Variants in CCSER1 observed in about 807,000 individuals in gnomAD.
CCSER1 encodes the protein serine-rich coiled-coil domain-containing protein 1.
A neutral mutation model predicts 82.0 loss-of-function variants in CCSER1; 41 were observed. That is an observed-to-expected ratio of 0.50 (90% CI 0.39 to 0.65). CCSER1 has a LOEUF of 0.65. CCSER1 is among the 30% of genes least tolerant of loss of function. The probability of loss-of-function intolerance (pLI) is 0.00; values close to 1 mark genes in which losing one functional copy is unlikely to be tolerated. For synonymous variants in CCSER1, 414 were observed against 383.9 expected, an observed-to-expected ratio of 1.08 and a Z score of -0.92; for missense variants, 1,119 against 1,064.2, an observed-to-expected ratio of 1.05 and a Z score of -0.72.
At chr4:91,596,415 A>G (rs1356915055) in intron 10 of CCSER1, among the ~76,000 whole-genome samples, 1 of 152,070 alleles carries the variant, frequency 6.6e-6, no homozygotes, top group Non-Finnish European at 1.5e-5. Context: ...ATTCATCCCC[A>G]ATTTTTTCCA....
intron 9 of CCSER1, among the ~76,000 whole-genome samples, chr4:90,939,741 T>C (rs1018187244): frequency 1.3e-5 from 2 of 152,172 alleles, no homozygotes; most frequent in Non-Finnish European, 2.9e-5. Flanking sequence ...ACATGTATTA[T>C]GAATCATAAA....
At chr4:90,376,172 A>T (rs1275610934) in intron 3 of CCSER1, among the ~76,000 whole-genome samples, 1 of 152,118 alleles carries the variant, frequency 6.6e-6, no homozygotes, top group Non-Finnish European at 1.5e-5. Flanking sequence ...GACTGCAGAG[A>T]TCTCTTCAAA....
chr4:90,176,169 T>C (rs1052441469), intron 1 of CCSER1, among the ~76,000 whole-genome samples: 2 of 151,948 alleles, frequency 1.3e-5, no homozygotes, highest in Admixed American at 6.6e-5. Flanking sequence ...ATGGTCAGAA[T>C]AGATGAGTGA....
At chr4:91,103,858 G>T (rs1434259050) in intron 10 of CCSER1, among the ~76,000 whole-genome samples, 1 of 151,962 alleles carries the variant, frequency 6.6e-6, no homozygotes, top group Non-Finnish European at 1.5e-5. Context: ...TGCGGGGTCG[G>T]GCAAAAAGAG....
At chr4:91,474,707 T>C (rs1184843312) in intron 10 of CCSER1, among the ~76,000 whole-genome samples, 3 of 150,028 alleles carry the variant, frequency 2.0e-5, no homozygotes, top group African/African-American at 2.4e-5. Context: ...CTCAGTCTTC[T>C]TGTGGCTAAA....
chr4:91,324,591 C>T (rs1746422450), intron 10 of CCSER1, among the ~76,000 whole-genome samples: 1 of 152,052 alleles, frequency 6.6e-6, no homozygotes, highest in Admixed American at 6.6e-5. Context: ...AGATGAATAA[C>T]AACTATAAAC....
chr4:90,631,882 T>A (rs894228656), intron 6 of CCSER1, among the ~76,000 whole-genome samples: 22 of 152,232 alleles, frequency 1.4e-4, no homozygotes, highest in Non-Finnish European at 3.1e-4. Context: ...TTGGGCTATG[T>A]CTATAAAGTA....
chr4:90,610,295 AT>A (rs1446610451), intron 5 of CCSER1, among the ~76,000 whole-genome samples: 1,773 of 150,804 alleles, frequency 0.012, 28 homozygotes, highest in South Asian at 0.053. Context: ...AAATAAATAA[AT>A]AAATAAAATG....
chr4:91,594,230 T>TA (rs932130114), intron 10 of CCSER1, among the ~76,000 whole-genome samples: 7 of 151,640 alleles, frequency 4.6e-5, no homozygotes, highest in African/African-American at 9.7e-5. Flanking sequence ...GTTAACATCA[T>TA]AATATGGAAA....
chr4:91,559,064 A>T (rs955009), intron 10 of CCSER1, among the ~76,000 whole-genome samples: 97,977 of 151,098 alleles, frequency 0.65, 31,963 homozygotes, highest in East Asian at 0.72. Flanking sequence ...TACTACTATA[A>T]GTTTACCTTA....
Position 90,243,784 on chromosome 4 carries a change from T to C in CCSER1, c.-41-64460T>C, listed in dbSNP as rs118091579. Among the ~76,000 whole-genome samples the C allele has an allele frequency of 5.6e-4, 86 of 152,214 alleles. No individual in the cohort carries two copies. The East Asian group carries it at 0.012, about 22-fold the overall frequency. On this transcript the variant is annotated intron_variant, in intron 1 of 10. Transcript: ENST00000509176. ...GGTGAAAACGAAAATGTGACATAAATAAGCAGGGTGAATATATTATAATTT... is the reference window on the plus strand; with the variant it reads ...GGTGAAAACGAAAATGTGACATAAACAAGCAGGGTGAATATATTATAATTT...
Position 91,136,194 on chromosome 4 carries a change from T to C in CCSER1, c.2217+50200T>C, listed in dbSNP as rs1302592104. 3.3e-5 allele frequency among the ~76,000 whole-genome samples: 5 copies of C among 152,300 alleles called. No individual in the cohort carries two copies. In the East Asian group the frequency reaches 9.6e-4, roughly 29 times the overall value. ...TCTCACATCAACTTCTCACAGCAGC[T>C]ACACCAAACATCTTGCAGTTCATCA... On this transcript the variant is annotated intron_variant, in intron 10 of 10. Transcript: ENST00000509176.
chr4:91,511,311 TTTG>T (rs762718819), intron 10 of CCSER1, among the ~76,000 whole-genome samples: 11 of 152,184 alleles, frequency 7.2e-5, no homozygotes, highest in Non-Finnish European at 1.5e-4. Flanking sequence ...TTTTGGCTCT[TTTG>T]TTGTTCTATG....
intron 10 of CCSER1, among the ~76,000 whole-genome samples, chr4:91,166,586 A>G (rs1021191723): frequency 1.3e-5 from 2 of 152,258 alleles, no homozygotes; most frequent in African/African-American, 4.8e-5. Flanking sequence ...TTAATTGAGC[A>G]TTCTGATTTA....
chr4:91,358,973 C>T (rs1441582367), intron 10 of CCSER1, among the ~76,000 whole-genome samples: 3 of 152,156 alleles, frequency 2.0e-5, no homozygotes, highest in East Asian at 1.9e-4. Context: ...GGACGAGCCG[C>T]AGACAAAACC....
intron 10 of CCSER1, among the ~76,000 whole-genome samples, chr4:91,219,006 C>T (rs1246626980): frequency 2.0e-5 from 3 of 152,166 alleles, no homozygotes; most frequent in Non-Finnish European, 4.4e-5. Flanking sequence ...AGACAAAAGA[C>T]AGAACATGGA....
chr4:90,633,526 A>C (rs1724851679), intron 6 of CCSER1, among the ~76,000 whole-genome samples: 1 of 152,102 alleles, frequency 6.6e-6, no homozygotes, highest in South Asian at 2.1e-4. Flanking sequence ...TAAATCTTCC[A>C]GATTAGAAGA....
chr4:90,964,731 CAAAA>C (rs71596540), intron 9 of CCSER1, among the ~76,000 whole-genome samples: 5 of 77,634 alleles, frequency 6.4e-5, no homozygotes, highest in Non-Finnish European at 8.9e-5. Flanking sequence ...ACTCTGTCTC[CAAAA>C]AAAAAAAAAA....
intron 10 of CCSER1, among the ~76,000 whole-genome samples, chr4:91,394,971 T>C (rs1751880433): frequency 6.6e-6 from 1 of 152,018 alleles, no homozygotes; most frequent in African/African-American, 2.4e-5. Context: ...ATAGAACTAT[T>C]AAAAATAGGC....
Sources: gnomAD v4.1 joint callset for allele counts (sites outside exome capture counted in the v4.1 genomes callset) on GRCh38, gnomAD v4.1.1 for gene constraint, MANE v1.5 for transcripts, NCBI Gene and HGNC (gene_info 2026-07-23, HGNC 2026-07-21) for gene names.